ECT2: variants seen among roughly 807,000 people sequenced by gnomAD.
The protein encoded by ECT2 is epithelial cell transforming 2.
ECT2 carries 61 observed loss-of-function variants against 116.9 expected under a neutral mutation model. The ratio of observed to expected loss-of-function variants is 0.52; its 90% CI spans 0.42 to 0.65. The LOEUF (loss-of-function observed/expected upper bound fraction) is 0.65. Ranked by LOEUF, ECT2 falls within the 30% of genes least tolerant of loss-of-function variation. The pLI, the probability that ECT2 is intolerant of heterozygous loss-of-function variation, is 0.00. For missense variants in ECT2, 937 were observed against 1,078.7 expected, an observed-to-expected ratio of 0.87 and a Z score of 1.84; for synonymous variants, 358 against 346.4, an observed-to-expected ratio of 1.03 and a Z score of -0.37.
the ECT2 span, chr3:172,828,881 G>A: frequency 4.4e-6 from 6 of 1,350,710 alleles, no homozygotes; most frequent in African/African-American, 8.7e-5. Context: ...CGGGTTCCTG[G>A]CATAGCCAAT....
chr3:172,774,104 G>A, intron 14 of ECT2, 82 bp downstream of exon 14: 2 of 1,397,816 alleles, frequency 1.4e-6, no homozygotes, highest in Non-Finnish European at 2.0e-6. Flanking sequence ...CTTCTGGTTA[G>A]CTAAATAAGT....
intron 15 of ECT2, 34 bp from the exon 16 acceptor site, chr3:172,783,765 T>TAATA: frequency 7.3e-7 from 1 of 1,364,768 alleles, no homozygotes; most frequent in South Asian, 1.2e-5. Flanking sequence ...GACAAATGCA[T>TAATA]AATAAATAAT....
the ECT2 span, among the ~76,000 whole-genome samples, chr3:172,828,493 G>A: frequency 6.6e-6 from 1 of 152,044 alleles, no homozygotes; most frequent in African/African-American, 2.4e-5. Context: ...TAGAGCTGTA[G>A]TAATCAAAAC....
At chr3:172,781,721 C>T (rs921784081) in intron 14 of ECT2, among the ~76,000 whole-genome samples, 12 of 152,114 alleles carry the variant, frequency 7.9e-5, no homozygotes, top group African/African-American at 2.4e-4. Flanking sequence ...GGAACACAGC[C>T]ACACTCATTT....
intron 13 of ECT2, among the ~76,000 whole-genome samples, chr3:172,769,892 T>C (rs1200928420): frequency 6.6e-6 from 1 of 152,204 alleles, no homozygotes; most frequent in Non-Finnish European, 1.5e-5. Flanking sequence ...ACCAAGCTTA[T>C]CTTTCAATAG....
At chr3:172,816,861 G>T in intron 24 of ECT2, 24 bp downstream of exon 24, 3 of 1,496,842 alleles carry the variant, frequency 2.0e-6, no homozygotes, top group Non-Finnish European at 1.8e-6. Context: ...ATTTAATGGG[G>T]TAAATGACTT....
At chr3:172,757,186 T>C (rs776239976) in intron 5 of ECT2, 21 bp downstream of exon 5, 3 of 1,410,290 alleles carry the variant, frequency 2.1e-6, no homozygotes, top group Admixed American at 2.9e-5. Context: ...ACATTTATTA[T>C]GACTTTTCAA....
chr3:172,777,378 G>A (rs1248297333), intron 14 of ECT2, among the ~76,000 whole-genome samples: 1 of 152,148 alleles, frequency 6.6e-6, no homozygotes, highest in Non-Finnish European at 1.5e-5. Flanking sequence ...AATGATGGTT[G>A]TGTTACCTTT....
At position 172,756,930 on chromosome 3, in the gene ECT2, G is replaced by A. The variant is rs979008173; in HGVS notation, c.304-53G>A. The A allele has an allele frequency of 4.3e-6, 6 of 1,405,284 alleles. No homozygotes were observed. In the African/African-American group the frequency reaches 7.4e-5, roughly 17 times the overall value. 87.1% of individuals were successfully genotyped at this position (1,405,284 alleles called of 1,614,324 possible). A position where few individuals can be genotyped will look rare whatever the true frequency, so the allele number is the denominator to read the frequency against. ...TTAAGCCTTATTTAGAGAGACAGAT[G>A]GATTATTTGATATATAAATAATTTT... is the stretch of plus-strand genomic sequence containing the variant. On this transcript the variant is annotated intron_variant, in intron 4 of 24. Transcript: ENST00000392692.
intron 18 of ECT2, among the ~76,000 whole-genome samples, chr3:172,802,222 C>G (rs1285417283): frequency 6.6e-6 from 1 of 152,008 alleles, no homozygotes; most frequent in Non-Finnish European, 1.5e-5. Flanking sequence ...TCAAGTGATT[C>G]TCCTGCCTCA....
chr3:172,762,820 G>A lies in ECT2; in HGVS notation c.1005+14G>A. ...GTCAAGCAAGAGGCAAGTAATTCTA[G>A]AATGAGGTTGGTTTTTAAAAACACT... On this transcript the variant is annotated intron_variant, in intron 10 of 24. Coordinates refer to ENST00000392692, the MANE Select transcript of ECT2 (RefSeq NM_001258315.2). 1 of 1,610,020 alleles carries A rather than the reference G, an allele frequency of 6.2e-7. No homozygotes were observed. Among genetic ancestry groups the A allele is most frequent in the Non-Finnish European group, 8.5e-7 (1 of 1,178,382 alleles).
At chr3:172,795,367 T>G (rs1725447673) in intron 18 of ECT2, among the ~76,000 whole-genome samples, 1 of 151,432 alleles carries the variant, frequency 6.6e-6, no homozygotes, top group South Asian at 2.1e-4. Flanking sequence ...TCAAAATACA[T>G]TTTTGCTTGG....
chr3:172,756,987 T>G lies in ECT2; in HGVS notation c.308T>G (p.Ile103Ser). 1 of 1,601,744 alleles carries G rather than the reference T, an allele frequency of 6.2e-7. No individual in the cohort carries two copies. The highest frequency in any genetic ancestry group is 8.5e-7 in the Non-Finnish European group (1 of 1,176,842). Residue 103 changes from isoleucine (I) to serine (S), a missense_variant, in exon 5 of 25, where the codon ATT becomes AGT. By Grantham distance (142) the Ile-to-Ser change is moderately radical (BLOSUM62 -2). Transcript: ENST00000392692. ...TGCTAACTATATGATGAAAAGGACATTAAAGTGGGCTTTGTAAAGATGGAG... is the reference window on the plus strand; with the variant it reads ...TGCTAACTATATGATGAAAAGGACAGTAAAGTGGGCTTTGTAAAGATGGAG... ...KLIKSVINMD[I>S]KVGFVKMESV...
chr3:172,761,807 G>A, intron 8 of ECT2, 124 bp downstream of exon 8: 5 of 524,772 alleles, frequency 9.5e-6, no homozygotes, highest in East Asian at 3.3e-5. Flanking sequence ...AGTAGCTTGA[G>A]GAATAAAATC....
chr3:172,772,108 C>T (rs1426685525), intron 13 of ECT2, among the ~76,000 whole-genome samples: 1 of 151,982 alleles, frequency 6.6e-6, no homozygotes, highest in Admixed American at 6.6e-5. Context: ...TCAAGTGATT[C>T]TCCCACCTCA....
chr3:172,779,911 A>G (rs1011423359), intron 14 of ECT2, among the ~76,000 whole-genome samples: 4 of 151,694 alleles, frequency 2.6e-5, no homozygotes, highest in Non-Finnish European at 5.9e-5. Context: ...AAAAAAAAAG[A>G]AAGAAAATAT....
the ECT2 span, chr3:172,829,157 C>T: frequency 5.5e-6 from 3 of 544,434 alleles, no homozygotes; most frequent in South Asian, 1.9e-5. Context: ...ATGAACAGTG[C>T]CCCAGTGGTC....
At chr3:172,760,712 C>CTTTTTT (rs60727631) in intron 7 of ECT2, among the ~76,000 whole-genome samples, 1 of 76,212 alleles carries the variant, frequency 1.3e-5, no homozygotes, top group African/African-American at 6.6e-5. Flanking sequence ...GTCTAAGTGC[C>CTTTTTT]TTTTTTTTTT....
downstream of ECT2, among the ~76,000 whole-genome samples, chr3:172,823,866 T>C (rs1730779689): frequency 6.6e-6 from 1 of 152,100 alleles, no homozygotes; most frequent in East Asian, 1.9e-4. Context: ...ATTTGTATTA[T>C]GTATATTTGT....
Sources: gnomAD v4.1 joint callset for allele counts (sites outside exome capture counted in the v4.1 genomes callset) on GRCh38, gnomAD v4.1.1 for gene constraint, MANE v1.5 for transcripts, NCBI Gene and HGNC (gene_info 2026-07-23, HGNC 2026-07-21) for gene names.